SMARCC2: variants seen among roughly 807,000 people sequenced by gnomAD.
SMARCC2 encodes SWI/SNF complex subunit SMARCC2.
SMARCC2 carries 15 observed loss-of-function variants against 151.3 expected under a neutral mutation model. That is an observed-to-expected ratio of 0.10 (90% CI 0.07 to 0.15). The LOEUF (loss-of-function observed/expected upper bound fraction) is 0.15. Ranked by LOEUF, SMARCC2 falls within the 10% of genes least tolerant of loss-of-function variation. SMARCC2 has a pLI of 1.00. For synonymous variants in SMARCC2, 590 were observed against 609.5 expected, an observed-to-expected ratio of 0.97 and a Z score of 0.47; for missense variants, 1,031 against 1,599.7, an observed-to-expected ratio of 0.64 and a Z score of 6.06.
rs1402770818 is a variant in SMARCC2, at chr12:56,172,722, GA to G, written c.1744-19del. ...GAGGTCTGCTATTTGTGGAGGGAAA[GA>G]AACAGGTGAGTACAAGTGACCACCG... On this transcript the variant is annotated intron_variant, in intron 18 of 28. Coordinates refer to ENST00000550164, the MANE Select transcript of SMARCC2 (RefSeq NM_001330288.2). 3 of 1,613,630 alleles carry G rather than the reference GA, an allele frequency of 1.9e-6. No homozygotes were observed. The highest frequency in any genetic ancestry group is 2.5e-6 in the Non-Finnish European group (3 of 1,180,046).
rs111507263 is a variant in SMARCC2 at position 56,170,789 on chromosome 12, G to A, written c.2347+482C>T. Among the ~76,000 whole-genome samples, 130 of 141,662 alleles carry A rather than the reference G, an allele frequency of 9.2e-4. 2 individuals are homozygous for A. The highest frequency in any genetic ancestry group is 3.2e-3 in the African/African-American group (121 of 37,652). 92.9% of individuals were successfully genotyped at this position (141,662 alleles called of 152,430 possible). ...GCTCTGTTGCCCAGGCTGGAGTGCA[G>A]TGGCTTGATCTTGGCTCACTGCAAC... On this transcript the variant is annotated intron_variant, in intron 22 of 28. Transcript: ENST00000550164.
chr12:56,167,662 G>C (rs938060975), intron 26 of SMARCC2, among the ~76,000 whole-genome samples: 9 of 152,024 alleles, frequency 5.9e-5, no homozygotes, highest in Non-Finnish European at 1.3e-4. Context: ...AGTCTACTAT[G>C]GGCCAAGCAC....
chr12:56,177,922 A>G, intron 15 of SMARCC2, 100 bp downstream of exon 15: 1 of 831,014 alleles, frequency 1.2e-6, no homozygotes. Flanking sequence ...CTCATGGAAG[A>G]TGCTCAAGAA....
chr12:56,173,750 A>G lies in SMARCC2; in HGVS notation c.1596T>C (p.His532=), dbSNP rs370534241. 2.3e-5 allele frequency: 37 copies of G among 1,613,996 alleles called. No homozygotes were observed. The African/African-American group carries it at 4.8e-4, about 21-fold the overall frequency. Residue 532 remains histidine (H), a synonymous_variant, in exon 17 of 29, where the codon CAT becomes CAC. Coordinates refer to ENST00000550164, the MANE Select transcript of SMARCC2 (RefSeq NM_001330288.2). Reference sequence around the variant, plus strand: ...GCCCTGATGGTGTGTCAGCCAAGACATGGAAGTGAGAGGTAGGCGGAGGCC... The same window carrying G: ...GCCCTGATGGTGTGTCAGCCAAGACGTGGAAGTGAGAGGTAGGCGGAGGCC... ...PMGPPPTSHF[H]VLADTPSGLV...
intron 28 of SMARCC2, 100 bp from the exon 29 acceptor site, chr12:56,163,865 G>T: frequency 4.2e-6 from 3 of 717,610 alleles, no homozygotes; most frequent in Non-Finnish European, 6.6e-6. Flanking sequence ...GCATGCAGTG[G>T]CTGGGTGGAT....
rs1202721031 is a variant in SMARCC2 at position 56,176,081 on chromosome 12, A to G, written c.1383-1317T>C. Among the ~76,000 whole-genome samples the G allele has an allele frequency of 3.9e-5, 6 of 152,050 alleles. No individual in the cohort carries two copies. The East Asian group carries it at 9.7e-4, about 24-fold the overall frequency. On this transcript the variant is annotated intron_variant, in intron 15 of 28. Coordinates refer to ENST00000550164, the MANE Select transcript of SMARCC2 (RefSeq NM_001330288.2). The stretch of plus-strand genomic sequence containing the variant: ...ACCATGTTGGCCTGGCTGGTCTCGA[A>G]CTCCTGACCTCGTGATCTGCCCGCC...
At chr12:56,182,140 T>C (rs536421117) in intron 7 of SMARCC2, 61 bp from the exon 8 acceptor site, 17 of 1,182,586 alleles carry the variant, frequency 1.4e-5, no homozygotes, top group East Asian at 7.1e-5. Context: ...AAAAGTAAAG[T>C]GCAGATCTTT....
rs1360814086 is a variant in SMARCC2 at position 56,189,337 on chromosome 12, C to T, written c.111+14G>A. The T allele has an allele frequency of 2.7e-6, 4 of 1,475,782 alleles. No homozygotes were observed. Among genetic ancestry groups the T allele is most frequent in the East Asian group, 2.8e-5 (1 of 36,334 alleles). The allele number at this position is 1,475,782 out of a possible 1,614,324, so 91.4% of individuals were successfully genotyped here. A position where few individuals can be genotyped will look rare whatever the true frequency, so the allele number is the denominator to read the frequency against. On this transcript the variant is annotated intron_variant, in intron 1 of 28. Transcript: ENST00000550164. Reference sequence around the variant, plus strand: ...CGCCCCCGGTCCCCGCGCGGCCCGGCCCGGCCCGCGTACCTTCTTGTAGTT... The same window carrying T: ...CGCCCCCGGTCCCCGCGCGGCCCGGTCCGGCCCGCGTACCTTCTTGTAGTT...
chr12:56,180,880 G>A (rs148079823), intron 11 of SMARCC2, 97 bp downstream of exon 11: 38 of 1,260,232 alleles, frequency 3.0e-5, no homozygotes, highest in Non-Finnish European at 4.2e-5. Flanking sequence ...CTGTAGACTG[G>A]GAGGTGGACC....
chr12:56,174,613 T>C (rs779298308), intron 16 of SMARCC2, 38 bp downstream of exon 16: 1 of 1,340,724 alleles, frequency 7.5e-7, no homozygotes, highest in East Asian at 2.3e-5. Flanking sequence ...TAGGCAGGCA[T>C]CCTCATGTAC....
intron 25 of SMARCC2, among the ~76,000 whole-genome samples, chr12:56,168,604 C>A (rs1326815857): frequency 6.6e-6 from 1 of 151,868 alleles, no homozygotes; most frequent in Non-Finnish European, 1.5e-5. Context: ...AAACTTACAA[C>A]CTCAGGTGAT....
In SMARCC2 at chr12:56,178,817, G is replaced by A. The variant is rs748615941; in HGVS notation, c.1172C>T (p.Thr391Met). 3 of 1,613,910 alleles carry A rather than the reference G, an allele frequency of 1.9e-6. No individual in the cohort carries two copies. Among genetic ancestry groups the A allele is most frequent in the Non-Finnish European group, 2.5e-6 (3 of 1,179,806 alleles). Reference sequence around the variant, plus strand: ...TCTCTAAACTGGCTCCACCTTGCCCGTCGTCTCCATGCTTTCATCTTCCTG... The same window carrying A: ...TCTCTAAACTGGCTCCACCTTGCCCATCGTCTCCATGCTTTCATCTTCCTG... ...DEQEDESMET[T>M]GKDEDENSTG... The change falls in exon 13 of 29, where the codon ACG (threonine) becomes ATG (methionine). Residue 391 changes from threonine to methionine, a missense_variant. Transcript: ENST00000550164.
intron 16 of SMARCC2, 28 bp downstream of exon 16, chr12:56,174,623 C>A: frequency 2.8e-6 from 4 of 1,447,492 alleles, no homozygotes; most frequent in Non-Finnish European, 3.9e-6. Flanking sequence ...TCCTCATGTA[C>A]CCCCTTCCCC....
At chr12:56,186,620 GATTACAGGCGTGA>G in intron 2 of SMARCC2, 1 of 233,544 alleles carries the variant, frequency 4.3e-6, no homozygotes, top group East Asian at 1.2e-4. Flanking sequence ...AAAGTGCTGA[GATTACAGGCGTGA>G]GCCACCACGC....
At chr12:56,178,179 G>C in intron 14 of SMARCC2, 86 bp from the exon 15 acceptor site, 1 of 1,146,352 alleles carries the variant, frequency 8.7e-7, no homozygotes, top group Non-Finnish European at 1.3e-6. Context: ...AGAAGGCAAA[G>C]AAGGAAAAGA....
intron 1 of SMARCC2, among the ~76,000 whole-genome samples, chr12:56,188,759 C>T (rs1171387201): frequency 6.6e-6 from 1 of 152,140 alleles, no homozygotes; most frequent in Non-Finnish European, 1.5e-5. Context: ...TACCCCGGCT[C>T]CCTGAGAGAT....
chr12:56,172,348 C>T (rs1431194930), intron 20 of SMARCC2, 80 bp downstream of exon 20: 24 of 1,317,364 alleles, frequency 1.8e-5, no homozygotes, highest in South Asian at 7.3e-5. Flanking sequence ...TCCCAAAGTG[C>T]TGGGATTACA....
Position 56,180,995 on chromosome 12 carries a change from C to A in SMARCC2, c.1063G>T (p.Val355Leu), listed in dbSNP as rs1876093008. Residue 355 changes from valine (V) to leucine (L), a missense_variant, in exon 11 of 29, where the codon GTG becomes TTG. Coordinates refer to ENST00000550164, the MANE Select transcript of SMARCC2 (RefSeq NM_001330288.2). ...EPSPVPNVEE[V>L]TLPKTVNTKK... Reference sequence around the variant, plus strand: ...CCTGTACCTGTTTTGGGAAGTGTCACCTCTTCTACATTGGGGACTGGTGAG... The same window carrying A: ...CCTGTACCTGTTTTGGGAAGTGTCAACTCTTCTACATTGGGGACTGGTGAG... 6.2e-7 allele frequency: 1 copy of A among 1,613,448 alleles called. No homozygotes were observed. The highest frequency in any genetic ancestry group is 1.1e-5 in the South Asian group (1 of 91,030).
chr12:56,183,845 A>T lies in SMARCC2; in HGVS notation c.632+16T>A. 6.2e-7 allele frequency: 1 copy of T among 1,605,958 alleles called. No individual in the cohort carries two copies. Among genetic ancestry groups the T allele is most frequent in the Non-Finnish European group, 8.5e-7 (1 of 1,173,490 alleles). ...TGGCTCTTATACTTAAACCTGCCCC[A>T]GGAACCCATCCTCACCTGTCAGGAT... On this transcript the variant is annotated intron_variant, in intron 7 of 28. Transcript: ENST00000550164.
Sources: allele counts gnomAD v4.1 joint callset (sites outside exome capture counted in the v4.1 genomes callset), GRCh38; gene constraint gnomAD v4.1.1; transcripts MANE v1.5; gene names NCBI Gene and HGNC (gene_info 2026-07-23, HGNC 2026-07-21).